Variants in LRP1B observed in about 807,000 individuals in gnomAD.
LRP1B encodes the protein LDL receptor related protein 1B.
In LRP1B, 217 loss-of-function variants were observed where a neutral mutation model predicts 556.6. The ratio of observed to expected loss-of-function variants is 0.39; its 90% CI spans 0.35 to 0.44. The LOEUF (loss-of-function observed/expected upper bound fraction) is 0.44, where lower values mean the gene tolerates loss of function less well. Ranked by LOEUF, LRP1B falls within the 20% of genes least tolerant of loss-of-function variation. The pLI, the probability that LRP1B is intolerant of heterozygous loss-of-function variation, is 1.00. For synonymous variants in LRP1B, 2,047 were observed against 1,865.8 expected (o/e 1.10, Z -2.50); for missense variants, 5,053 against 5,620.8 (o/e 0.90, Z 3.23).
Position 140,700,551 on chromosome 2 carries a change from T to C in LRP1B, c.6498A>G (p.Arg2166=), listed in dbSNP as rs1303383268. The C allele has an allele frequency of 6.2e-7, 1 of 1,613,462 alleles. No individual in the cohort carries two copies. Among genetic ancestry groups the C allele is most frequent in the African/African-American group, 1.3e-5 (1 of 74,874 alleles). Residue 2166 remains arginine, a synonymous_variant, in exon 41 of 91, where the codon AGA becomes AGG. Transcript: ENST00000389484. The part of the protein sequence containing the change: ...QLCLYRGNSR[R]TCACAHGYLA... ...AATATCCATGGGCACAAGCACAAGT[T>C]CTCCGGGAATTTCCTCGATAAAGAC...
At chr2:140,782,716 T>C (rs746522368) in intron 32 of LRP1B, among the ~76,000 whole-genome samples, 5 of 152,136 alleles carry the variant, frequency 3.3e-5, no homozygotes, top group African/African-American at 1.2e-4. Flanking sequence ...GATCCTACCA[T>C]ACAGTCTCCA....
chr2:140,338,644 G>C (rs1376659069), intron 77 of LRP1B, among the ~76,000 whole-genome samples: 2 of 151,586 alleles, frequency 1.3e-5, no homozygotes, highest in Non-Finnish European at 2.9e-5. Flanking sequence ...AACCCCTGTT[G>C]GATCTTCATA....
chr2:141,839,130 T>C (rs1697381760), intron 1 of LRP1B, among the ~76,000 whole-genome samples: 1 of 152,164 alleles, frequency 6.6e-6, no homozygotes, highest in South Asian at 2.1e-4. Context: ...TCTTACTGGA[T>C]TTAAAAGGTG....
At chr2:141,844,242 T>A (rs1697569148) in intron 1 of LRP1B, among the ~76,000 whole-genome samples, 1 of 152,124 alleles carries the variant, frequency 6.6e-6, no homozygotes, top group Non-Finnish European at 1.5e-5. Context: ...ATTTTGCTTT[T>A]TCAGGGAAGC....
intron 1 of LRP1B, among the ~76,000 whole-genome samples, chr2:142,105,538 G>T (rs895401822): frequency 1.3e-5 from 2 of 151,630 alleles, no homozygotes; most frequent in African/African-American, 4.8e-5. Context: ...GGAATTTTCT[G>T]CTTATGGTTG....
At chr2:140,243,182 T>C (rs747307826) in intron 87 of LRP1B, among the ~76,000 whole-genome samples, 11 of 151,098 alleles carry the variant, frequency 7.3e-5, no homozygotes, top group South Asian at 2.1e-4. Context: ...AAGCAAGCAG[T>C]GAAATACATG....
chr2:141,874,084 ATTTTTTTTTTTTTTTTTTT>A (rs200281267), intron 1 of LRP1B, among the ~76,000 whole-genome samples: 1 of 103,122 alleles, frequency 9.7e-6, no homozygotes, highest in Admixed American at 1.1e-4. Context: ...TGAACTAACA[ATTTTTTTTTTTTTTTTTTT>A]TTTTTTTTTT....
intron 3 of LRP1B, among the ~76,000 whole-genome samples, chr2:141,389,211 T>C (rs1689956793): frequency 6.6e-6 from 1 of 152,190 alleles, no homozygotes; most frequent in Non-Finnish European, 1.5e-5. Context: ...ACTCATGTCC[T>C]GATTTCAACA....
At chr2:141,718,155 G>T (rs1483375721) in intron 2 of LRP1B, among the ~76,000 whole-genome samples, 2 of 152,208 alleles carry the variant, frequency 1.3e-5, no homozygotes, top group African/African-American at 4.8e-5. Flanking sequence ...TTTGCACACA[G>T]CTGGAGCTTT....
intron 11 of LRP1B, 107 bp downstream of exon 11, chr2:141,048,879 A>G (rs2105445139): frequency 2.4e-6 from 2 of 840,986 alleles, no homozygotes; most frequent in Non-Finnish European, 4.0e-6. Context: ...TGAACCAACC[A>G]GAAGAACTTG....
chr2:141,160,629 C>A (rs1209802105), intron 7 of LRP1B, among the ~76,000 whole-genome samples: 1 of 151,654 alleles, frequency 6.6e-6, no homozygotes, highest in African/African-American at 2.4e-5. Flanking sequence ...GGGCCTTATG[C>A]TGACTTGGAA....
chr2:141,170,043 T>C (rs947537736), intron 7 of LRP1B, among the ~76,000 whole-genome samples: 2 of 152,064 alleles, frequency 1.3e-5, no homozygotes, highest in African/African-American at 2.4e-5. Flanking sequence ...AAATCTCCTA[T>C]GTTCTTATAA....
chr2:141,726,788 G>T (rs1349333671), intron 2 of LRP1B, among the ~76,000 whole-genome samples: 1 of 152,098 alleles, frequency 6.6e-6, no homozygotes, highest in Non-Finnish European at 1.5e-5. Context: ...AGCATGTGAT[G>T]GGATAACTTA....
intron 5 of LRP1B, among the ~76,000 whole-genome samples, chr2:141,242,335 A>G (rs1388233993): frequency 6.6e-6 from 1 of 152,070 alleles, no homozygotes; most frequent in African/African-American, 2.4e-5. Context: ...AAATCCCCCT[A>G]GAGTTTTAAA....
intron 66 of LRP1B, among the ~76,000 whole-genome samples, chr2:140,416,794 A>G (rs1386220664): frequency 6.6e-6 from 1 of 152,218 alleles, no homozygotes; most frequent in Non-Finnish European, 1.5e-5. Flanking sequence ...AACTTATTTT[A>G]GTCCATGTGT....
In LRP1B at chr2:140,597,649, T is replaced by C. The variant is rs534774533; in HGVS notation, c.7194+982A>G. ...TTCAATCTTCAACTGAATTAAACAG[T>C]GTGCTTAGCCATAGAGAATTTGTTC... On this transcript the variant is annotated intron_variant, in intron 43 of 90. Coordinates refer to ENST00000389484, the MANE Select transcript of LRP1B (RefSeq NM_018557.3). Among the ~76,000 whole-genome samples, 14 of 152,290 alleles carry C rather than the reference T, an allele frequency of 9.2e-5. No homozygotes were observed. In the South Asian group the frequency reaches 2.9e-3, roughly 32 times the overall value.
At chr2:141,233,893 AGTT>A (rs1268945899) in intron 5 of LRP1B, among the ~76,000 whole-genome samples, 1 of 152,002 alleles carries the variant, frequency 6.6e-6, no homozygotes, top group Non-Finnish European at 1.5e-5. Flanking sequence ...TATATCATCT[AGTT>A]GTTCTATATT....
intron 35 of LRP1B, among the ~76,000 whole-genome samples, chr2:140,760,531 T>G (rs1424572425): frequency 6.6e-6 from 1 of 152,182 alleles, no homozygotes; most frequent in Admixed American, 6.5e-5. Context: ...TATTGAATGG[T>G]TAGATATTTC....
At chr2:142,039,422 G>A (rs1212876022) in intron 1 of LRP1B, among the ~76,000 whole-genome samples, 2 of 151,384 alleles carry the variant, frequency 1.3e-5, no homozygotes, top group African/African-American at 4.8e-5. Flanking sequence ...ATGTGTCTCT[G>A]TGTGACAGAT....
Sources: gnomAD v4.1 joint callset for allele counts (sites outside exome capture counted in the v4.1 genomes callset) on GRCh38, gnomAD v4.1.1 for gene constraint, MANE v1.5 for transcripts, NCBI Gene and HGNC (gene_info 2026-07-23, HGNC 2026-07-21) for gene names.